Variants in FAM50A observed in about 807,000 individuals in gnomAD.
FAM50A encodes the protein family with sequence similarity 50 member A.
FAM50A carries 6 observed loss-of-function variants against 35.5 expected under a neutral mutation model. The observed-to-expected ratio is 0.17, with a 90% CI of 0.09 to 0.33. The LOEUF (loss-of-function observed/expected upper bound fraction) is 0.33. FAM50A is among the 10% of genes least tolerant of loss of function. The pLI, the probability that FAM50A is intolerant of heterozygous loss-of-function variation, is 1.00. For missense variants in FAM50A, 145 were observed against 295.5 expected (o/e 0.49, Z 3.73); for synonymous variants, 120 against 110.9 (o/e 1.08, Z -0.52).
Position 154,445,524 on chromosome X carries a change from A to G in FAM50A, c.112-109A>G, listed in dbSNP as rs1006600232. On this transcript the variant is annotated intron_variant, in intron 1 of 12. Coordinates refer to ENST00000393600, the MANE Select transcript of FAM50A (RefSeq NM_004699.4). ...CCTGCCCAGCCTCATGGAACCTTCC[A>G]TCGACAAGGGCACAGGGGCAGATTT... 1.5e-5 allele frequency: 9 copies of G among 604,036 alleles called. No homozygotes were observed. The African/African-American group carries it at 1.8e-4, about 12-fold the overall frequency. 49.8% of individuals were successfully genotyped at this position (604,036 alleles called of 1,213,427 possible).
chrX:154,446,616 A>G (rs1170733200), intron 4 of FAM50A, 56 bp downstream of exon 4: 9 of 1,104,720 alleles, frequency 8.1e-6, no homozygotes, highest in Admixed American at 3.4e-5. Flanking sequence ...GGGGTCCCCA[A>G]TGTGAGAGGC....
chrX:154,450,133 GTGTCC>G, intron 11 of FAM50A, 34 bp downstream of exon 11: 1 of 1,200,874 alleles, frequency 8.3e-7, no homozygotes, highest in Non-Finnish European at 1.1e-6. Context: ...GGGGGAACGG[GTGTCC>G]CTGGGCTATG....
At chrX:154,449,346 C>G (rs1557200226) in intron 8 of FAM50A, 49 bp downstream of exon 8, 2 of 1,052,558 alleles carry the variant, frequency 1.9e-6, no homozygotes, top group South Asian at 3.7e-5. Context: ...ACCTGTGGCT[C>G]CAGCCTGGGT....
intron 9 of FAM50A, 71 bp downstream of exon 9, chrX:154,449,806 A>G: frequency 1.7e-6 from 2 of 1,152,804 alleles, no homozygotes; most frequent in East Asian, 6.0e-5. Flanking sequence ...TGGTGGGGGC[A>G]GTGTGCGCAG....
intron 4 of FAM50A, among the ~76,000 whole-genome samples, chrX:154,447,587 G>C (rs1433383202): frequency 8.9e-6 from 1 of 112,079 alleles, no homozygotes; most frequent in Non-Finnish European, 1.9e-5. Flanking sequence ...TGCAATGCTG[G>C]GGTGCTGTGT....
chrX:154,447,664 T>C (rs2068787327), intron 4 of FAM50A, among the ~76,000 whole-genome samples: 1 of 111,896 alleles, frequency 8.9e-6, no homozygotes. Flanking sequence ...AGACAGTGTC[T>C]CCCTGTGGCC....
intron 7 of FAM50A, 34 bp from the exon 8 acceptor site, chrX:154,449,187 C>T (rs1557200191): frequency 8.5e-7 from 1 of 1,170,150 alleles, no homozygotes. Flanking sequence ...AGGCTTCCGC[C>T]TTCCCTTCCC....
At chrX:154,448,362 C>T in intron 4 of FAM50A, 122 bp from the exon 5 acceptor site, 1 of 574,828 alleles carries the variant, frequency 1.7e-6, no homozygotes, top group Non-Finnish European at 2.9e-6. Flanking sequence ...GCCTCTGTGC[C>T]CGCCCTAGGC....
chrX:154,444,428 G>A, intron 1 of FAM50A, 82 bp downstream of exon 1: 1 of 575,437 alleles, frequency 1.7e-6, no homozygotes, highest in East Asian at 6.1e-5. Context: ...TGGAAGCCCT[G>A]GGGCGGTGGC....
At position 154,450,504 on chromosome X, in the gene FAM50A, G is replaced by A; in HGVS notation, c.*72G>A. 9.1e-7 allele frequency: 1 copy of A among 1,104,234 alleles called. No individual in the cohort carries two copies. Among genetic ancestry groups the A allele is most frequent in the Non-Finnish European group, 1.2e-6 (1 of 805,632 alleles). The allele number at this position is 1,104,234 out of a possible 1,213,427, so 91.0% of individuals were successfully genotyped here. ...GCCCCGTGGTGTCACCGGGACTCCA[G>A]GCACCCGCTCCCCTGCGACCATGCC... On this transcript the variant is annotated 3_prime_UTR_variant, in exon 13 of 13. Coordinates refer to ENST00000393600, the MANE Select transcript of FAM50A (RefSeq NM_004699.4).
chrX:154,445,018 G>A (rs2148231506), intron 1 of FAM50A: 1 of 112,834 alleles, frequency 8.9e-6, no homozygotes, highest in African/African-American at 3.2e-5. Flanking sequence ...GCAGGCTCCT[G>A]CCTGGGGAAC....
At chrX:154,444,405 C>A in intron 1 of FAM50A, 59 bp downstream of exon 1, 1 of 772,264 alleles carries the variant, frequency 1.3e-6, no homozygotes, top group Non-Finnish European at 1.7e-6. Flanking sequence ...GGCCCCGCGC[C>A]ACGCTCCGGC....
chrX:154,450,269 G>A lies in FAM50A; in HGVS notation c.961G>A (p.Ala321Thr). Reference protein sequence around the residue: ...WYEKNKHIFPASRWEPYDPEK... With the variant: ...WYEKNKHIFPTSRWEPYDPEK... ...CGAGAAGAACAAGCACATCTTTCCC[G>A]CCAGCCGCTGGGAACCCTACGACCC... Residue 321 changes from alanine to threonine, a missense_variant, in exon 12 of 13, where the codon GCC becomes ACC. Coordinates refer to ENST00000393600, the MANE Select transcript of FAM50A (RefSeq NM_004699.4). 1 of 1,210,933 alleles carries A rather than the reference G, an allele frequency of 8.3e-7. No homozygotes were observed. Among genetic ancestry groups the A allele is most frequent in the Non-Finnish European group, 1.1e-6 (1 of 894,953 alleles).
chrX:154,449,970 C>A, intron 10 of FAM50A, 39 bp downstream of exon 10: 1 of 1,208,352 alleles, frequency 8.3e-7, no homozygotes, highest in Non-Finnish European at 1.1e-6. Flanking sequence ...TAGCACCTTG[C>A]CGCCGATGTT....
rs9697962 is a variant in FAM50A, at chrX:154,445,626, C to T, written c.112-7C>T. 10,254 of 1,199,211 alleles carry T rather than the reference C, an allele frequency of 8.6e-3. 529 individuals are homozygous for T. In the African/African-American group the frequency reaches 0.15, roughly 18 times the overall value. On this transcript the variant is annotated splice_polypyrimidine_tract_variant and splice_region_variant and intron_variant, in intron 1 of 12. Coordinates refer to ENST00000393600, the MANE Select transcript of FAM50A (RefSeq NM_004699.4). Reference sequence around the variant, plus strand: ...GTGGTTCTCATGGTGGCTGTCACTCCCCGCAGGAGAACATCATGAAATCCA... The same window carrying T: ...GTGGTTCTCATGGTGGCTGTCACTCTCCGCAGGAGAACATCATGAAATCCA...
At chrX:154,448,416 CT>C in intron 4 of FAM50A, 67 bp from the exon 5 acceptor site, 1 of 975,590 alleles carries the variant, frequency 1.0e-6, no homozygotes, top group Non-Finnish European at 1.5e-6. Flanking sequence ...TTGGGGGACC[CT>C]GGGCGTCGGC....
At chrX:154,447,360 G>T (rs1304101165) in intron 4 of FAM50A, among the ~76,000 whole-genome samples, 1 of 111,672 alleles carries the variant, frequency 9.0e-6, no homozygotes, top group Non-Finnish European at 1.9e-5. Context: ...GCGAGGCAGG[G>T]GATGGTGCTG....
chrX:154,449,229 G>A lies in FAM50A; in HGVS notation c.657G>A (p.Lys219=). 8.3e-7 allele frequency: 1 copy of A among 1,210,261 alleles called. No homozygotes were observed. Among genetic ancestry groups the A allele is most frequent in the Non-Finnish European group, 1.1e-6 (1 of 893,591 alleles). Residue 219 remains lysine (K), a synonymous_variant, in exon 8 of 13, where the codon AAG becomes AAA. Transcript: ENST00000393600. ...TGGATTCCCGGATACAGATGAGAAA[G>A]GGCAACACCATGCAGCAGTTCCTGC... ...SGHRRTVKMR[K]GNTMQQFLQK...
intron 7 of FAM50A, 64 bp from the exon 8 acceptor site, chrX:154,449,157 C>G: frequency 9.5e-7 from 1 of 1,047,555 alleles, no homozygotes; most frequent in Admixed American, 2.2e-5. Flanking sequence ...GGGCCTCTGC[C>G]TTGTTGAGAG....
Sources: gnomAD v4.1 joint callset for allele counts (sites outside exome capture counted in the v4.1 genomes callset) on GRCh38, gnomAD v4.1.1 for gene constraint, MANE v1.5 for transcripts, NCBI Gene and HGNC (gene_info 2026-07-23, HGNC 2026-07-21) for gene names.